TBX3: variants seen among roughly 807,000 people sequenced by gnomAD.
The protein encoded by TBX3 is T-box transcription factor 3, also known as T-box transcription factor TBX3.
In TBX3, 11 loss-of-function variants were observed where a neutral mutation model predicts 47.8. The ratio of observed to expected loss-of-function variants is 0.23; its 90% CI spans 0.14 to 0.38. TBX3 has a LOEUF of 0.38. TBX3 is among the 10% of genes least tolerant of loss of function. The pLI, the probability that TBX3 is intolerant of heterozygous loss-of-function variation, is 1.00. For synonymous variants in TBX3, 500 were observed against 449.3 expected (o/e 1.11, Z -1.43); for missense variants, 927 against 1,022.8 (o/e 0.91, Z 1.28).
In TBX3 at chr12:114,684,071, G is replaced by GGAGAGAGAGAGAGAGAGAGAGAGA. The variant is rs57078153; in HGVS notation, c.-895_-872dup. 9.4e-6 allele frequency: 2 copies of GGAGAGAGAGAGAGAGAGAGAGAGA among 212,164 alleles called. No individual in the cohort carries two copies. The highest frequency in any genetic ancestry group is 4.6e-5 in the African/African-American group (2 of 43,018). 13.1% of individuals were successfully genotyped at this position (212,164 alleles called of 1,614,324 possible). A position where few individuals can be genotyped will look rare whatever the true frequency, so the allele number is the denominator to read the frequency against. ...TGGAACAGAGGGAAAGAGAGGGAGG[G>GGAGAGAGAGAGAGAGAGAGAGAGA]GAGAGAGAGAGAGAGAGAGAGAGAC... is the stretch of plus-strand genomic sequence containing the variant. On this transcript the variant is annotated 5_prime_UTR_variant, in exon 1 of 7. Coordinates refer to ENST00000349155, the MANE Select transcript of TBX3 (RefSeq NM_005996.4).
chr12:114,672,186 G>A lies in TBX3; in HGVS notation c.1827C>T (p.Leu609=), dbSNP rs777552683. The change falls in exon 7 of 7, where the codon CTC becomes CTT. Residue 609 remains leucine, a synonymous_variant. Coordinates refer to ENST00000349155, the MANE Select transcript of TBX3 (RefSeq NM_005996.4). ...ASSSVHRHPF[L]NLNTMRPRLR... is the part of the protein sequence containing the mutation. ...GCCGCGGGCGCATGGTGTTCAGATT[G>A]AGGAAGGGGTGGCGGTGCACCGAGC... 41 of 1,572,478 alleles carry A rather than the reference G, an allele frequency of 2.6e-5. 1 individual carries two copies. In the Admixed American group the frequency reaches 7.6e-4, roughly 29 times the overall value.
chr12:114,679,238 G>A (rs1319715463), intron 3 of TBX3, among the ~76,000 whole-genome samples: 1 of 152,112 alleles, frequency 6.6e-6, no homozygotes, highest in African/African-American at 2.4e-5. Flanking sequence ...GGAGGAGTGG[G>A]TGGCATCAAT....
Position 114,671,857 on chromosome 12 carries a change from C to A in TBX3, c.2156G>T (p.Arg719Leu). 1 of 1,557,820 alleles carries A rather than the reference C, an allele frequency of 6.4e-7. No homozygotes were observed. Among genetic ancestry groups the A allele is most frequent in the Non-Finnish European group, 8.7e-7 (1 of 1,151,426 alleles). ...GGGACGGGTCTACGGGGACGCGCTG[C>A]GGGACCTGTCCGGCTTGGCTTCCAA... ...SGLEAKPDRS[R>L]SASP Residue 719 changes from arginine to leucine, a missense_variant, in exon 7 of 7, where the codon CGC becomes CTC. This residue lies in a region of TBX3 where 623 missense variants were observed against 569.0 expected (regional missense o/e 1.09). Coordinates refer to ENST00000349155, the MANE Select transcript of TBX3 (RefSeq NM_005996.4).
At position 114,683,661 on chromosome 12, in the gene TBX3, T is replaced by C. The variant is rs761688459; in HGVS notation, c.-461A>G. On this transcript the variant is annotated 5_prime_UTR_variant, in exon 1 of 7. Coordinates refer to ENST00000349155, the MANE Select transcript of TBX3 (RefSeq NM_005996.4). This position sits in a 1 kb window ranked among gnomAD's most constrained non-coding sequence, Gnocchi z 7.7. ...TGAAAGGTTCTCCTAGAAGACTTTT[T>C]ACCTTTCTTTTTCTTCTTCCCCCGC... 4 of 230,366 alleles carry C rather than the reference T, an allele frequency of 1.7e-5. No individual in the cohort carries two copies. The highest frequency in any genetic ancestry group is 2.6e-5 in the Non-Finnish European group (3 of 116,954). 14.3% of individuals were successfully genotyped at this position (230,366 alleles called of 1,614,324 possible). A position where few individuals can be genotyped will look rare whatever the true frequency, so the allele number is the denominator to read the frequency against.
rs2121377884 is a variant in TBX3 at position 114,672,264 on chromosome 12, G to A, written c.1749C>T (p.Tyr583=). ...CCGCTGCGGCCATGTACGTGTAGGG[G>A]TAAGGGAACAGGCTTCCGAAAGGGG... ...AMSPFGSLFP[Y]PYTYMAAAAA... is the part of the protein sequence containing the mutation. The change falls in exon 7 of 7, where the codon TAC becomes TAT. Residue 583 remains tyrosine, a synonymous_variant. Coordinates refer to ENST00000349155, the MANE Select transcript of TBX3 (RefSeq NM_005996.4). 1.3e-6 allele frequency: 2 copies of A among 1,576,780 alleles called. No homozygotes were observed. The highest frequency in any genetic ancestry group is 1.7e-6 in the Non-Finnish European group (2 of 1,162,160).
Position 114,672,265 on chromosome 12 carries a change from T to C in TBX3, c.1748A>G (p.Tyr583Cys). 2 of 1,574,264 alleles carry C rather than the reference T, an allele frequency of 1.3e-6. No individual in the cohort carries two copies. The highest frequency in any genetic ancestry group is 8.6e-7 in the Non-Finnish European group (1 of 1,161,136). The change falls in exon 7 of 7, where the codon TAC becomes TGC. Residue 583 changes from tyrosine (Y) to cysteine (C), a missense_variant. This residue lies in a region of TBX3 where 623 missense variants were observed against 569.0 expected (regional missense o/e 1.09). Transcript: ENST00000349155. ...CGCTGCGGCCATGTACGTGTAGGGG[T>C]AAGGGAACAGGCTTCCGAAAGGGGA... ...AMSPFGSLFP[Y>C]PYTYMAAAAA...
chr12:114,681,101 T>G lies in TBX3; in HGVS notation c.435A>C (p.Lys145Asn). The change falls in exon 2 of 7, where the codon AAA (lysine) becomes AAC (asparagine). Residue 145 changes from lysine to asparagine, a missense_variant. By Grantham distance (94) the Lys-to-Asn change is moderately conservative. Transcript: ENST00000349155. Reference sequence around the variant, plus strand: ...CCATCAATAAAATGTATTTGGCTTTTTTATCCAGCCCAGAACATCTCACTT... The same window carrying G: ...CCATCAATAAAATGTATTTGGCTTTGTTATCCAGCCCAGAACATCTCACTT... Reference protein sequence around the residue: ...PFKVRCSGLDKKAKYILLMDI... With the variant: ...PFKVRCSGLDNKAKYILLMDI... 6.2e-7 allele frequency: 1 copy of G among 1,614,102 alleles called. No homozygotes were observed. The highest frequency in any genetic ancestry group is 1.3e-5 in the African/African-American group (1 of 75,008).
At chr12:114,672,540 T>C (rs1868497829) in intron 6 of TBX3, among the ~76,000 whole-genome samples, 1 of 152,012 alleles carries the variant, frequency 6.6e-6, no homozygotes, top group Non-Finnish European at 1.5e-5. Context: ...CAAGAGACTT[T>C]GATTAACTTG....
At position 114,683,904 on chromosome 12, in the gene TBX3, A is replaced by T. The variant is rs1869069476; in HGVS notation, c.-704T>A. 4.3e-6 allele frequency: 1 copy of T among 231,572 alleles called. No homozygotes were observed. The highest frequency in any genetic ancestry group is 8.5e-6 in the Non-Finnish European group (1 of 117,188). The allele number at this position is 231,572 out of a possible 1,614,324, so 14.3% of individuals were successfully genotyped here. On this transcript the variant is annotated 5_prime_UTR_variant, in exon 1 of 7. Coordinates refer to ENST00000349155, the MANE Select transcript of TBX3 (RefSeq NM_005996.4). This position sits in a 1 kb window ranked among gnomAD's most constrained non-coding sequence, Gnocchi z 7.7. ...TCCTTCCTCTGCTCCGAGCCTCCGGAGGGTGTCTCGGTTTCAATCCAAATC... is the reference window on the plus strand; with the variant it reads ...TCCTTCCTCTGCTCCGAGCCTCCGGTGGGTGTCTCGGTTTCAATCCAAATC...
chr12:114,671,141 T>C lies in TBX3; in HGVS notation c.*700A>G, dbSNP rs1288389816. The C allele has an allele frequency of 9.4e-6, 2 of 212,254 alleles. No homozygotes were observed. The highest frequency in any genetic ancestry group is 3.8e-4 in the South Asian group (2 of 5,306). 13.1% of individuals were successfully genotyped at this position (212,254 alleles called of 1,614,324 possible). On this transcript the variant is annotated 3_prime_UTR_variant, in exon 7 of 7. Coordinates refer to ENST00000349155, the MANE Select transcript of TBX3 (RefSeq NM_005996.4). Reference sequence around the variant, plus strand: ...TGAGGGCAAAGGATTGGGAAAAGGGTAGGGGGCTATATTGTTTTCTCTCTA... The same window carrying C: ...TGAGGGCAAAGGATTGGGAAAAGGGCAGGGGGCTATATTGTTTTCTCTCTA...
chr12:114,679,759 G>C, intron 2 of TBX3, 108 bp from the exon 3 acceptor site: 1 of 1,557,278 alleles, frequency 6.4e-7, no homozygotes, highest in Non-Finnish European at 8.8e-7. Context: ...AGGGTACCAC[G>C]CTTGTACCGA....
At chr12:114,681,170 G>C (rs370558414) in intron 1 of TBX3, 24 bp from the exon 2 acceptor site, 57 of 1,613,050 alleles carry the variant, frequency 3.5e-5, no homozygotes, top group Non-Finnish European at 3.0e-5. Flanking sequence ...GAATAGAAAA[G>C]AAAAAGAAAG....
chr12:114,684,071 GGAGAGAGAGAGAGA>G lies in TBX3; in HGVS notation c.-885_-872del, dbSNP rs57078153. 4.7e-6 allele frequency: 1 copy of G among 212,164 alleles called. No homozygotes were observed. Among genetic ancestry groups the G allele is most frequent in the African/African-American group, 2.3e-5 (1 of 43,018 alleles). The allele number at this position is 212,164 out of a possible 1,614,324, so 13.1% of individuals were successfully genotyped here. A position where few individuals can be genotyped will look rare whatever the true frequency, so the allele number is the denominator to read the frequency against. ...TGGAACAGAGGGAAAGAGAGGGAGG[GGAGAGAGAGAGAGA>G]GAGAGAGAGACGGAGTCGGAGAGGG... On this transcript the variant is annotated 5_prime_UTR_variant, in exon 1 of 7. Transcript: ENST00000349155.
chr12:114,674,530 C>G lies in TBX3; in HGVS notation c.1345G>C (p.Glu449Gln), dbSNP rs2121383946. 6.5e-7 allele frequency: 1 copy of G among 1,529,822 alleles called. No individual in the cohort carries two copies. Among genetic ancestry groups the G allele is most frequent in the Admixed American group, 2.1e-5 (1 of 47,990 alleles). 94.8% of individuals were successfully genotyped at this position (1,529,822 alleles called of 1,614,324 possible). The change falls in exon 6 of 7, where the codon GAG (glutamate) becomes CAG (glutamine). Residue 449 changes from glutamate to glutamine, a missense_variant. By Grantham distance (29) the Glu-to-Gln change is conservative. Transcript: ENST00000349155. Reference protein sequence around the residue: ...REGTAPAKVEEARALPGKEAF... With the variant: ...REGTAPAKVEQARALPGKEAF... ...TCCTTGCCCGGGAGCGCGCGCGCCT[C>G]TTCCACCTTGGCCGGCGCTGTGCCC...
intron 1 of TBX3, among the ~76,000 whole-genome samples, chr12:114,681,366 G>A (rs569086058): frequency 5.3e-4 from 81 of 152,258 alleles, no homozygotes; most frequent in African/African-American, 1.9e-3. Context: ...GACGTCCCAA[G>A]GTTCAAAACA....
In TBX3 at chr12:114,674,738, C is replaced by T. The variant is rs1393007916; in HGVS notation, c.1137G>A (p.Thr379=). The T allele has an allele frequency of 1.9e-6, 3 of 1,596,896 alleles. No individual in the cohort carries two copies. The highest frequency in any genetic ancestry group is 1.7e-5 in the Admixed American group (1 of 58,462). The change falls in exon 6 of 7, where the codon ACG becomes ACA. Residue 379 remains threonine (T), a synonymous_variant. Transcript: ENST00000349155. ...ACDAAKISTT[T]SEEPCRDKGS... The stretch of plus-strand genomic sequence containing the variant: ...CCTTGTCACGGCAGGGCTCCTCCGA[C>T]GTGGTGGTGGAGATCTTGGCCGCGT...
At position 114,672,237 on chromosome 12, in the gene TBX3, C is replaced by G; in HGVS notation, c.1776G>C (p.Ala592=). 1 of 1,574,628 alleles carries G rather than the reference C, an allele frequency of 6.4e-7. No individual in the cohort carries two copies. The highest frequency in any genetic ancestry group is 1.2e-5 in the South Asian group (1 of 86,054). The change falls in exon 7 of 7, where the codon GCG becomes GCC. Residue 592 remains alanine, a synonymous_variant. Transcript: ENST00000349155. The stretch of plus-strand genomic sequence containing the variant: ...TGGAGGCTGCCGCAGAGGAGGCGGC[C>G]GCCGCTGCGGCCATGTACGTGTAGG... ...PYPYTYMAAA[A]AASSAAASSS...
Position 114,674,603 on chromosome 12 carries a change from G to C in TBX3, c.1272C>G (p.Ser424=). The C allele has an allele frequency of 6.3e-7, 1 of 1,599,716 alleles. No individual in the cohort carries two copies. Among genetic ancestry groups the C allele is most frequent in the East Asian group, 2.3e-5 (1 of 44,430 alleles). ...DSRHSPATIS[S]STRGLGAEER... is the part of the protein sequence containing the mutation. ...CCTCCGCGCCCAGGCCGCGAGTGCT[G>C]GACGAGATGGTGGCGGGGCTATGGC... The change falls in exon 6 of 7, where the codon TCC becomes TCG. Residue 424 remains serine (S), a synonymous_variant. Transcript: ENST00000349155.
intron 4 of TBX3, among the ~76,000 whole-genome samples, chr12:114,676,844 G>A (rs1013674852): frequency 5.3e-5 from 8 of 152,202 alleles, no homozygotes; most frequent in Non-Finnish European, 8.8e-5. Flanking sequence ...AGGGAGAACC[G>A]GGTGTCCAAT....
Sources: allele counts gnomAD v4.1 joint callset (sites outside exome capture counted in the v4.1 genomes callset), GRCh38; gene constraint gnomAD v4.1.1; regional missense constraint gnomAD v4.1.1; non-coding constraint Gnocchi (gnomAD v3.1); transcripts MANE v1.5; gene names NCBI Gene and HGNC (gene_info 2026-07-23, HGNC 2026-07-21).